AGBL1: variants seen among roughly 807,000 people sequenced by gnomAD.
AGBL1 encodes the protein AGBL carboxypeptidase 1.
Under a neutral mutation model 118.9 loss-of-function variants are expected in AGBL1, and 130 were observed. The ratio of observed to expected loss-of-function variants is 1.09; its 90% CI spans 0.95 to 1.26. The LOEUF is 1.26. Ranked by LOEUF, AGBL1 falls within the 50% of genes most tolerant of loss-of-function variation. AGBL1 has a pLI of 0.00. For synonymous variants in AGBL1, 555 were observed against 478.9 expected, an observed-to-expected ratio of 1.16 and a Z score of -2.08; for missense variants, 1,584 against 1,298.1, an observed-to-expected ratio of 1.22 and a Z score of -3.38.
intron 22 of AGBL1, among the ~76,000 whole-genome samples, chr15:86,778,229 G>A (rs2078285994): frequency 1.3e-5 from 2 of 152,096 alleles, no homozygotes; most frequent in Non-Finnish European, 2.9e-5. Context: ...ATATCACAAG[G>A]CAAATGGAGG....
intron 18 of AGBL1, among the ~76,000 whole-genome samples, chr15:86,477,552 T>C (rs937979317): frequency 6.6e-6 from 1 of 152,208 alleles, no homozygotes; most frequent in Non-Finnish European, 1.5e-5. Context: ...AATCTCTGAA[T>C]AGACCAATAA....
chr15:86,688,816 A>G (rs1270574890), intron 22 of AGBL1, among the ~76,000 whole-genome samples: 4 of 152,270 alleles, frequency 2.6e-5, no homozygotes, highest in Non-Finnish European at 4.4e-5. Flanking sequence ...CCACAATCAC[A>G]GTTATTCCCA....
At position 86,137,207 on chromosome 15, in the gene AGBL1, C is replaced by G. The variant is rs367932249; in HGVS notation, c.52-4797C>G. On this transcript the variant is annotated intron_variant, in intron 1 of 22. Transcript: ENST00000614907. ...TTTACTTAAAGTAAAACCATTTGTGCTGCTCCATTCTGGCTCAGCGCTAAG... is the reference window on the plus strand; with the variant it reads ...TTTACTTAAAGTAAAACCATTTGTGGTGCTCCATTCTGGCTCAGCGCTAAG... Among the ~76,000 whole-genome samples, 249 of 152,308 alleles carry G rather than the reference C, an allele frequency of 1.6e-3. 3 individuals carry two copies. In the South Asian group the frequency reaches 0.031, roughly 19 times the overall value.
chr15:86,159,087 C>T lies in AGBL1; in HGVS notation c.488+61C>T, dbSNP rs529684727. 5 of 1,472,298 alleles carry T rather than the reference C, an allele frequency of 3.4e-6. No homozygotes were observed. The African/African-American group carries it at 6.9e-5, about 20-fold the overall frequency. The allele number at this position is 1,472,298 out of a possible 1,614,324, so 91.2% of individuals were successfully genotyped here. A position where few individuals can be genotyped will look rare whatever the true frequency, so the allele number is the denominator to read the frequency against. On this transcript the variant is annotated intron_variant, in intron 5 of 22. Coordinates refer to ENST00000614907, the MANE Select transcript of AGBL1 (RefSeq NM_001386094.1). ...TAACAGATGGAGAGATGGAGATTGC[C>T]CTACATGTATTTTCATGATGCTTCC... is the stretch of plus-strand genomic sequence containing the variant.
intron 14 of AGBL1, 99 bp from the exon 15 acceptor site, chr15:86,271,520 G>A (rs1359362329): frequency 2.2e-6 from 2 of 921,884 alleles, no homozygotes; most frequent in Non-Finnish European, 3.6e-6. Context: ...AACAGTCACA[G>A]TTTCCAGGGA....
At chr15:86,929,062 G>A (rs937677003) in intron 23 of AGBL1, among the ~76,000 whole-genome samples, 2 of 151,628 alleles carry the variant, frequency 1.3e-5, no homozygotes, top group Non-Finnish European at 2.9e-5. Context: ...TGGTTCTGTC[G>A]ACAGGCTGGA....
chr15:86,129,046 C>T (rs542114775), intron 1 of AGBL1, among the ~76,000 whole-genome samples: 5 of 152,108 alleles, frequency 3.3e-5, no homozygotes, highest in Admixed American at 6.5e-5. Context: ...TAGTCTTTAT[C>T]GCCTGGAATG....
chr15:86,670,626 C>CAA (rs1449550624), intron 21 of AGBL1, among the ~76,000 whole-genome samples: 1 of 95,766 alleles, frequency 1.0e-5, no homozygotes, highest in African/African-American at 4.0e-5. Context: ...CACACACACA[C>CAA]AAACACGCTG....
chr15:86,982,073 C>T lies in AGBL1; in HGVS notation c.3222-5914C>T, dbSNP rs537651970. On this transcript the variant is annotated intron_variant, in intron 23 of 24. Transcript: ENST00000441037. Reference sequence around the variant, plus strand: ...TCTGCTTAAGAAATGATCATCAAAACGATGAAGGCCCCAGGTACCTCATGC... The same window carrying T: ...TCTGCTTAAGAAATGATCATCAAAATGATGAAGGCCCCAGGTACCTCATGC... Among the ~76,000 whole-genome samples the T allele has an allele frequency of 2.6e-5, 4 of 152,208 alleles. 1 individual carries two copies. In the South Asian group the frequency reaches 8.3e-4, roughly 32 times the overall value.
chr15:86,888,992 T>G (rs1011795321), intron 22 of AGBL1, among the ~76,000 whole-genome samples: 1 of 152,142 alleles, frequency 6.6e-6, no homozygotes, highest in African/African-American at 2.4e-5. Flanking sequence ...AAGTAAAGAC[T>G]GGCACTAAAG....
At chr15:86,306,564 T>C (rs991213208) in intron 17 of AGBL1, among the ~76,000 whole-genome samples, 3 of 152,184 alleles carry the variant, frequency 2.0e-5, no homozygotes, top group East Asian at 3.8e-4. Context: ...CATTCATGTG[T>C]TGAGGGACAC....
At chr15:86,633,724 T>G in intron 21 of AGBL1, among the ~76,000 whole-genome samples, 1 of 150,218 alleles carries the variant, frequency 6.7e-6, no homozygotes, top group East Asian at 1.9e-4. Flanking sequence ...TCATACTATA[T>G]GCTATCTTTG....
intron 19 of AGBL1, among the ~76,000 whole-genome samples, chr15:86,545,287 T>C (rs1419525653): frequency 6.6e-6 from 1 of 152,200 alleles, no homozygotes; most frequent in Non-Finnish European, 1.5e-5. Flanking sequence ...GTTTTGATGG[T>C]CATTCTTTTC....
At chr15:86,382,391 C>T (rs1324642749) in intron 17 of AGBL1, among the ~76,000 whole-genome samples, 2 of 152,214 alleles carry the variant, frequency 1.3e-5, no homozygotes, top group African/African-American at 2.4e-5. Context: ...CTAATATTCT[C>T]CGTCAGGCTC....
chr15:86,096,764 A>G (rs540244902), intron 1 of AGBL1, among the ~76,000 whole-genome samples: 1 of 152,310 alleles, frequency 6.6e-6, no homozygotes, highest in East Asian at 1.9e-4. Flanking sequence ...GGAGCTTTTC[A>G]TAGAAAATAG....
intron 23 of AGBL1, among the ~76,000 whole-genome samples, chr15:86,980,972 C>T (rs183446298): frequency 6.8e-6 from 1 of 147,872 alleles, no homozygotes; most frequent in Non-Finnish European, 1.5e-5. Flanking sequence ...CGACTGTCTC[C>T]ACCTCCCAGG....
At chr15:86,462,188 C>G (rs545206664) in intron 18 of AGBL1, among the ~76,000 whole-genome samples, 2 of 152,192 alleles carry the variant, frequency 1.3e-5, no homozygotes, top group South Asian at 4.1e-4. Flanking sequence ...AAGCGTATGA[C>G]CTTTCTGAGC....
At chr15:86,592,274 G>C (rs2084347637) in intron 21 of AGBL1, among the ~76,000 whole-genome samples, 3 of 152,200 alleles carry the variant, frequency 2.0e-5, no homozygotes, top group African/African-American at 7.2e-5. Flanking sequence ...CGGGTCTGCA[G>C]CAAACTCGAT....
chr15:86,242,860 C>T (rs1218651632), intron 6 of AGBL1, among the ~76,000 whole-genome samples: 1 of 152,208 alleles, frequency 6.6e-6, no homozygotes, highest in Non-Finnish European at 1.5e-5. Context: ...TCCCCGCCAG[C>T]CTGTCATGTG....
Sources: allele counts gnomAD v4.1 joint callset (sites outside exome capture counted in the v4.1 genomes callset), GRCh38; gene constraint gnomAD v4.1.1; transcripts MANE v1.5; gene names NCBI Gene and HGNC (gene_info 2026-07-23, HGNC 2026-07-21).